Variants in KIAA1549L observed in about 807,000 individuals in gnomAD.
The protein encoded by KIAA1549L is KIAA1549 like, also known as UPF0606 protein KIAA1549L.
A neutral mutation model predicts 160.7 loss-of-function variants in KIAA1549L; 88 were observed. That is an observed-to-expected ratio of 0.55 (90% CI 0.46 to 0.65). The LOEUF (loss-of-function observed/expected upper bound fraction) is 0.65, where lower values mean the gene tolerates loss of function less well. Ranked by LOEUF, KIAA1549L falls within the 30% of genes least tolerant of loss-of-function variation. The pLI, the probability that KIAA1549L is intolerant of heterozygous loss-of-function variation, is 0.00. For synonymous variants in KIAA1549L, 950 were observed against 976.7 expected (o/e 0.97, Z 0.51); for missense variants, 2,258 against 2,437.5 (o/e 0.93, Z 1.55).
At chr11:33,404,356 C>A (rs1850600439) in intron 1 of KIAA1549L, among the ~76,000 whole-genome samples, 1 of 151,620 alleles carries the variant, frequency 6.6e-6, no homozygotes, top group Non-Finnish European at 1.5e-5. Context: ...GAAACCTCAT[C>A]TCTACTAAAG....
chr11:33,606,844 G>T (rs1462675965), intron 14 of KIAA1549L, 22 bp downstream of exon 14: 1 of 1,574,470 alleles, frequency 6.4e-7, no homozygotes, highest in Non-Finnish European at 8.6e-7. Context: ...GAGACCCAGG[G>T]CAGGAGATGG....
intron 1 of KIAA1549L, among the ~76,000 whole-genome samples, chr11:33,522,418 G>T (rs191701473): frequency 4.5e-4 from 69 of 152,318 alleles, no homozygotes; most frequent in Middle Eastern, 3.4e-3. Context: ...TTCTGCTTCT[G>T]TGGTCCCAAA....
At chr11:33,491,395 G>A (rs936740616) in intron 1 of KIAA1549L, among the ~76,000 whole-genome samples, 6 of 152,150 alleles carry the variant, frequency 3.9e-5, no homozygotes, top group Non-Finnish European at 8.8e-5. Context: ...TAGGGCTAAC[G>A]TTAATTTGTT....
Position 33,419,047 on chromosome 11 carries a change from A to G in KIAA1549L, c.238+42158A>G, listed in dbSNP as rs578066181. On this transcript the variant is annotated intron_variant, in intron 1 of 20. Transcript: ENST00000658780. ...GCCACTGTGCCTGGCTAATTTTTGT[A>G]TTTTTAGTAGAGACAGGGTTTCATT... Among the ~76,000 whole-genome samples the G allele has an allele frequency of 4.6e-5, 7 of 151,800 alleles. No individual in the cohort carries two copies. In the East Asian group the frequency reaches 1.4e-3, roughly 30 times the overall value.
intron 16 of KIAA1549L, among the ~76,000 whole-genome samples, chr11:33,633,032 A>G (rs559102998): frequency 1.4e-4 from 21 of 148,628 alleles, no homozygotes; most frequent in African/African-American, 4.7e-4. Context: ...CTGGAGTGCA[A>G]TGGTGTGGTC....
At chr11:33,535,628 C>T (rs1483014408) in intron 1 of KIAA1549L, among the ~76,000 whole-genome samples, 1 of 148,482 alleles carries the variant, frequency 6.7e-6, no homozygotes, top group African/African-American at 2.5e-5. Context: ...GCCATGATCA[C>T]ACCTCTGCAG....
Position 33,551,071 on chromosome 11 carries a change from C to T in KIAA1549L, c.3533C>T (p.Thr1178Ile), listed in dbSNP as rs1266991813. 1.9e-6 allele frequency: 3 copies of T among 1,613,898 alleles called. No individual in the cohort carries two copies. The highest frequency in any genetic ancestry group is 2.5e-6 in the Non-Finnish European group (3 of 1,179,840). Residue 1178 changes from threonine to isoleucine, a missense_variant, in exon 5 of 21, where the codon ACA becomes ATA. Around this residue, in one of 6 missense-constraint regions of KIAA1549L, gnomAD observed 1,359 missense variants for 1,546.6 expected, o/e 0.88. Transcript: ENST00000658780. ...ATTCTGGAATATTCTCATAATGTCA[C>T]AGTTGGTTATTATGCTACCAAAGGG... ...VDILEYSHNV[T>I]VGYYATKGKL...
At chr11:33,399,604 C>G (rs1263728261) in intron 1 of KIAA1549L, among the ~76,000 whole-genome samples, 1 of 152,172 alleles carries the variant, frequency 6.6e-6, no homozygotes, top group Admixed American at 6.5e-5. Context: ...TCCAAAGGGC[C>G]ATGGTTCTGA....
At chr11:33,397,176 A>G (rs1342181843) in intron 1 of KIAA1549L, among the ~76,000 whole-genome samples, 4 of 129,856 alleles carry the variant, frequency 3.1e-5, no homozygotes, top group Non-Finnish European at 6.7e-5. Flanking sequence ...ACTAAAAAAA[A>G]TACAAAAATT....
At chr11:33,646,325 C>T (rs150354173) in intron 17 of KIAA1549L, among the ~76,000 whole-genome samples, 6 of 152,326 alleles carry the variant, frequency 3.9e-5, no homozygotes, top group East Asian at 3.9e-4. Flanking sequence ...ATATTCTTCA[C>T]GCACTGGTGG....
intron 15 of KIAA1549L, among the ~76,000 whole-genome samples, chr11:33,615,525 A>T (rs1411377656): frequency 6.6e-6 from 1 of 152,130 alleles, no homozygotes. Context: ...TCTCTACCTG[A>T]GAGTCTAATT....
chr11:33,509,534 C>T (rs1006629331), intron 1 of KIAA1549L, among the ~76,000 whole-genome samples: 3 of 152,078 alleles, frequency 2.0e-5, no homozygotes, highest in African/African-American at 4.8e-5. Flanking sequence ...GGTTAATGTT[C>T]GGTTTCATAG....
intron 1 of KIAA1549L, among the ~76,000 whole-genome samples, chr11:33,518,009 G>A (rs1473282848): frequency 6.6e-6 from 1 of 151,728 alleles, no homozygotes; most frequent in African/African-American, 2.4e-5. Context: ...GTGTGGTGGT[G>A]GGCACCTGTA....
In KIAA1549L at chr11:33,606,875, TCGGA is replaced by T; in HGVS notation, c.5061+56_5061+59del. ...GATGGTCCGGCCAGACTTGGGAAAT[TCGGA>T]CGAAGGAACAACACCTGTGAATACT... On this transcript the variant is annotated intron_variant, in intron 14 of 20. Transcript: ENST00000658780. 7.5e-6 allele frequency: 11 copies of T among 1,470,404 alleles called. 1 individual carries two copies. In the South Asian group the frequency reaches 1.4e-4, roughly 19 times the overall value. 91.1% of individuals were successfully genotyped at this position (1,470,404 alleles called of 1,614,324 possible). A position where few individuals can be genotyped will look rare whatever the true frequency, so the allele number is the denominator to read the frequency against.
intron 1 of KIAA1549L, among the ~76,000 whole-genome samples, chr11:33,539,934 A>C (rs537138035): frequency 6.6e-6 from 1 of 152,352 alleles, no homozygotes; most frequent in African/African-American, 2.4e-5. Context: ...ACTTTTCTTC[A>C]TGAGACATTT....
intron 10 of KIAA1549L, among the ~76,000 whole-genome samples, chr11:33,581,378 C>A (rs1250620443): frequency 6.7e-6 from 1 of 148,606 alleles, no homozygotes; most frequent in Non-Finnish European, 1.5e-5. Context: ...GACTGTTTGA[C>A]TTCATTCCTT....
chr11:33,502,890 G>A (rs1852984751), intron 1 of KIAA1549L, among the ~76,000 whole-genome samples: 1 of 152,206 alleles, frequency 6.6e-6, no homozygotes, highest in Non-Finnish European at 1.5e-5. Flanking sequence ...AGATGAGATT[G>A]TAAACAGATA....
intron 6 of KIAA1549L, among the ~76,000 whole-genome samples, chr11:33,554,775 A>G (rs1466868889): frequency 6.6e-6 from 1 of 152,226 alleles, no homozygotes; most frequent in African/African-American, 2.4e-5. Context: ...ACATGAGCAA[A>G]GAGGAGAAAT....
At chr11:33,563,748 A>G (rs1207846635) in intron 8 of KIAA1549L, among the ~76,000 whole-genome samples, 2 of 152,236 alleles carry the variant, frequency 1.3e-5, no homozygotes, top group African/African-American at 4.8e-5. Flanking sequence ...TTTTGGAGCT[A>G]GTGGCTTATG....
Sources: allele counts gnomAD v4.1 joint callset (sites outside exome capture counted in the v4.1 genomes callset), GRCh38; gene constraint gnomAD v4.1.1; regional missense constraint gnomAD v4.1.1; transcripts MANE v1.5; gene names NCBI Gene and HGNC (gene_info 2026-07-23, HGNC 2026-07-21).